The following GREB1L variants were observed in gnomAD, a reference collection of about 807,000 sequenced individuals.
GREB1L encodes the protein GREB1 like retinoic acid receptor coactivator, also known as GREB1-like protein.
A neutral mutation model predicts 200.8 loss-of-function variants in GREB1L; 17 were observed. That is an observed-to-expected ratio of 0.08 (90% confidence interval 0.06 to 0.13). GREB1L has a LOEUF of 0.13. Among genes scored for constraint, GREB1L ranks in the 10% least tolerant of loss-of-function variants. GREB1L has a pLI of 1.00. For synonymous variants in GREB1L, 789 were observed against 893.0 expected (o/e 0.88, Z 2.08); for missense variants, 1,657 against 2,367.7 (o/e 0.70, Z 6.23).
intron 7 of GREB1L, among the ~76,000 whole-genome samples, chr18:21,422,954 G>A (rs754641349): frequency 2.0e-5 from 3 of 151,498 alleles, no homozygotes; most frequent in South Asian, 2.1e-4. Context: ...TTCTTTAGAC[G>A]GAGTCTTGCT....
chr18:21,504,523 G>A (rs752679829), intron 23 of GREB1L, among the ~76,000 whole-genome samples: 1 of 152,170 alleles, frequency 6.6e-6, no homozygotes, highest in African/African-American at 2.4e-5. Flanking sequence ...GTGACAGAGT[G>A]AGACCCTGTC....
rs538124525 is a variant in GREB1L, at chr18:21,275,599, G to A, written c.-120+33206G>A. Among the ~76,000 whole-genome samples, 5 of 152,232 alleles carry A rather than the reference G, an allele frequency of 3.3e-5. No individual in the cohort carries two copies. In the South Asian group the frequency reaches 1.0e-3, roughly 32 times the overall value. ...ACCTGGGAGGCAGAGGTTGCAGTGA[G>A]CTGAAATTGCACCACTGCACTCCAG... On this transcript the variant is annotated intron_variant, in intron 1 of 32. Coordinates refer to ENST00000424526, the MANE Select transcript of GREB1L (RefSeq NM_001142966.3).
chr18:21,501,080 A>AAAAG (rs1210614610), intron 23 of GREB1L, among the ~76,000 whole-genome samples: 3 of 150,796 alleles, frequency 2.0e-5, no homozygotes, highest in Non-Finnish European at 3.0e-5. Context: ...AAAAAAAAAA[A>AAAAG]AAAGAAAGAA....
At chr18:21,285,552 A>C (rs2038341870) in intron 1 of GREB1L, among the ~76,000 whole-genome samples, 1 of 152,232 alleles carries the variant, frequency 6.6e-6, no homozygotes, top group Non-Finnish European at 1.5e-5. Context: ...TGGAGAGTCC[A>C]TCTAGGTACA....
chr18:21,402,717 T>C (rs2041370773), intron 6 of GREB1L, among the ~76,000 whole-genome samples: 1 of 151,834 alleles, frequency 6.6e-6, no homozygotes, highest in Non-Finnish European at 1.5e-5. Context: ...GGGACAGGGT[T>C]TCGCCATGTT....
At chr18:21,412,683 T>C (rs2031192493) in intron 7 of GREB1L, among the ~76,000 whole-genome samples, 1 of 152,222 alleles carries the variant, frequency 6.6e-6, no homozygotes, top group South Asian at 2.1e-4. Flanking sequence ...AGGAGGCTAC[T>C]GGCTGCTGAC....
chr18:21,285,705 G>C (rs1402641616), intron 1 of GREB1L, among the ~76,000 whole-genome samples: 3 of 152,190 alleles, frequency 2.0e-5, no homozygotes, highest in South Asian at 4.1e-4. Flanking sequence ...TATTAAAATA[G>C]TGAATGAAAA....
chr18:21,487,525 C>T (rs2036172213), intron 18 of GREB1L, among the ~76,000 whole-genome samples: 1 of 152,180 alleles, frequency 6.6e-6, no homozygotes, highest in Non-Finnish European at 1.5e-5. Flanking sequence ...AGGGACCAGC[C>T]CAGGATTTAT....
At chr18:21,504,042 A>G (rs2036913666) in intron 23 of GREB1L, among the ~76,000 whole-genome samples, 2 of 134,386 alleles carry the variant, frequency 1.5e-5, no homozygotes, top group Admixed American at 8.3e-5. Context: ...CAGGGGTTCA[A>G]GTGATTCTTA....
chr18:21,429,281 T>TCCTCCCCTCC (rs1232699082), intron 7 of GREB1L, among the ~76,000 whole-genome samples: 1 of 107,298 alleles, frequency 9.3e-6, no homozygotes, highest in Non-Finnish European at 1.9e-5. Flanking sequence ...TCCTCTCCTC[T>TCCTCCCCTCC]CCTCCCCTCC....
chr18:21,427,667 G>C (rs1029002029), intron 7 of GREB1L, among the ~76,000 whole-genome samples: 12 of 152,116 alleles, frequency 7.9e-5, no homozygotes, highest in African/African-American at 2.7e-4. Context: ...CAATTACATA[G>C]GAATACAACT....
chr18:21,446,149 C>T (rs1272143186), intron 11 of GREB1L, among the ~76,000 whole-genome samples: 21 of 152,120 alleles, frequency 1.4e-4, no homozygotes, highest in Non-Finnish European at 2.6e-4. Flanking sequence ...CTCAGCCTCC[C>T]GAGTAGCTGG....
rs1313182872 is a variant in GREB1L at position 21,500,089 on chromosome 18, C to T, written c.3752C>T (p.Pro1251Leu). 2 of 1,551,616 alleles carry T rather than the reference C, an allele frequency of 1.3e-6. No individual in the cohort carries two copies. The highest frequency in any genetic ancestry group is 1.7e-6 in the Non-Finnish European group (2 of 1,147,028). ...GGCTCCCAGAAGAGTGGCAAGCTGC[C>T]ATCCTCCTCCTCCCTGCTGCCCCAC... ...LLGSQKSGKLPSSSSLLPHAD... is the reference protein window; with the variant it reads ...LLGSQKSGKLLSSSSLLPHAD... Residue 1251 changes from proline to leucine, a missense_variant, in exon 22 of 33, where the codon CCA (proline) becomes CTA (leucine). This residue lies in a region of GREB1L where 512 missense variants were observed against 668.3 expected (regional missense o/e 0.77). Coordinates refer to ENST00000424526, the MANE Select transcript of GREB1L (RefSeq NM_001142966.3).
chr18:21,400,580 C>T (rs539472110), intron 5 of GREB1L, among the ~76,000 whole-genome samples: 2 of 152,162 alleles, frequency 1.3e-5, no homozygotes, highest in African/African-American at 4.8e-5. Context: ...AACCCTAATT[C>T]GGATTCCAAT....
At chr18:21,250,428 T>TA (rs1340464363) in intron 1 of GREB1L, among the ~76,000 whole-genome samples, 3 of 151,924 alleles carry the variant, frequency 2.0e-5, no homozygotes, top group Non-Finnish European at 4.4e-5. Flanking sequence ...AATGTGCATT[T>TA]AAAAAAAATG....
intron 4 of GREB1L, among the ~76,000 whole-genome samples, chr18:21,385,922 G>A (rs1164142661): frequency 6.6e-6 from 1 of 152,058 alleles, no homozygotes; most frequent in Non-Finnish European, 1.5e-5. Context: ...TGCCTTACAG[G>A]GTATCTGACA....
rs1406404104 is a variant in GREB1L, at chr18:21,524,931, T to TATC, written c.*2115_*2117dup. 3 of 151,872 alleles carry TATC rather than the reference T, an allele frequency of 2.0e-5. No homozygotes were observed. The highest frequency in any genetic ancestry group is 7.2e-5 in the African/African-American group (3 of 41,414). 9.4% of individuals were successfully genotyped at this position (151,872 alleles called of 1,614,324 possible). A position where few individuals can be genotyped will look rare whatever the true frequency, so the allele number is the denominator to read the frequency against. ...ATGTTTGGATCTTTTAAAATCATCTTATCATCAGTATAATTCTTGAGTATG... is the reference window on the plus strand; with the variant it reads ...ATGTTTGGATCTTTTAAAATCATCTTATCATCATCAGTATAATTCTTGAGTATG... On this transcript the variant is annotated 3_prime_UTR_variant, in exon 33 of 33. Transcript: ENST00000424526.
intron 1 of GREB1L, among the ~76,000 whole-genome samples, chr18:21,283,470 T>C (rs1021977403): frequency 6.6e-6 from 1 of 152,236 alleles, no homozygotes; most frequent in Non-Finnish European, 1.5e-5. Context: ...TTATCCTAAA[T>C]AATTGTCTGT....
intron 10 of GREB1L, among the ~76,000 whole-genome samples, chr18:21,442,328 G>A (rs1288227887): frequency 6.6e-6 from 1 of 152,190 alleles, no homozygotes; most frequent in Non-Finnish European, 1.5e-5. Flanking sequence ...TACATGCAGT[G>A]TTATTTGCTT....
Sources: gnomAD v4.1 joint callset for allele counts (sites outside exome capture counted in the v4.1 genomes callset) on GRCh38, gnomAD v4.1.1 for gene constraint, gnomAD v4.1.1 regional missense constraint, MANE v1.5 for transcripts, NCBI Gene and HGNC (gene_info 2026-07-23, HGNC 2026-07-21) for gene names.